DENND1A: variants seen among roughly 807,000 people sequenced by gnomAD.
DENND1A encodes the protein DENN domain containing 1A, also known as DENN domain-containing protein 1A.
DENND1A carries 51 observed loss-of-function variants against 113.7 expected under a neutral mutation model. The observed-to-expected ratio is 0.45, with a 90% CI of 0.36 to 0.57. DENND1A has a LOEUF of 0.57. Ranked by LOEUF, DENND1A falls within the 20% of genes least tolerant of loss-of-function variation. The pLI is 0.00. For synonymous variants in DENND1A, 565 were observed against 570.8 expected (o/e 0.99, Z 0.14); for missense variants, 1,258 against 1,395.9 (o/e 0.90, Z 1.57).
intron 2 of DENND1A, among the ~76,000 whole-genome samples, chr9:123,826,854 T>C (rs945970025): frequency 6.6e-6 from 1 of 152,218 alleles, no homozygotes; most frequent in Admixed American, 6.5e-5. Context: ...TCTTTTAAAC[T>C]GATGATGGTA....
chr9:123,862,060 G>A (rs1168374309), intron 2 of DENND1A, among the ~76,000 whole-genome samples: 3 of 152,128 alleles, frequency 2.0e-5, no homozygotes, highest in Non-Finnish European at 4.4e-5. Flanking sequence ...ATGAACATAA[G>A]CTACTTCCAA....
chr9:123,881,605 A>G (rs777249453), intron 1 of DENND1A, among the ~76,000 whole-genome samples: 1 of 152,130 alleles, frequency 6.6e-6, no homozygotes, highest in Non-Finnish European at 1.5e-5. Flanking sequence ...TCCATTTTTA[A>G]TTTATTTTTA....
At chr9:123,636,623 G>A (rs932240844) in intron 9 of DENND1A, among the ~76,000 whole-genome samples, 2 of 151,542 alleles carry the variant, frequency 1.3e-5, no homozygotes, top group Non-Finnish European at 2.9e-5. Context: ...CAGAGTCGGT[G>A]CTGAGTAAAT....
At chr9:123,477,785 C>T (rs888079753) in intron 13 of DENND1A, among the ~76,000 whole-genome samples, 4 of 152,000 alleles carry the variant, frequency 2.6e-5, no homozygotes, top group African/African-American at 9.7e-5. Context: ...ACACGAGTGC[C>T]TCCCCCCTCC....
chr9:123,745,726 G>A (rs2069441608), intron 5 of DENND1A, among the ~76,000 whole-genome samples: 1 of 152,080 alleles, frequency 6.6e-6, no homozygotes, highest in Non-Finnish European at 1.5e-5. Context: ...AGTCCAAATG[G>A]CCACCTACAG....
At chr9:123,636,827 G>A (rs545547126) in intron 9 of DENND1A, among the ~76,000 whole-genome samples, 2 of 151,228 alleles carry the variant, frequency 1.3e-5, no homozygotes, top group African/African-American at 4.9e-5. Context: ...CTCCCGAGTC[G>A]CTGGGATTAC....
At chr9:123,486,226 G>A (rs1225169869) in intron 13 of DENND1A, among the ~76,000 whole-genome samples, 1 of 152,110 alleles carries the variant, frequency 6.6e-6, no homozygotes, top group East Asian at 1.9e-4. Flanking sequence ...TGAATGTCAG[G>A]CAAGTGGGCA....
At chr9:123,604,893 A>C (rs373411927) in intron 11 of DENND1A, among the ~76,000 whole-genome samples, 1 of 152,166 alleles carries the variant, frequency 6.6e-6, no homozygotes, top group African/African-American at 2.4e-5. Flanking sequence ...AAGAAGTAAA[A>C]CCAGCAAGGA....
chr9:123,471,243 A>G (rs747324476), intron 13 of DENND1A, among the ~76,000 whole-genome samples: 1 of 152,106 alleles, frequency 6.6e-6, no homozygotes, highest in Non-Finnish European at 1.5e-5. Context: ...GCCACTTAAC[A>G]TGTCTGGAAC....
chr9:123,919,299 C>G (rs1855789601), intron 1 of DENND1A, among the ~76,000 whole-genome samples: 1 of 151,430 alleles, frequency 6.6e-6, no homozygotes, highest in Non-Finnish European at 1.5e-5. Context: ...TGGTGAAACC[C>G]TGTCTCTACT....
At chr9:123,608,944 T>G (rs2060288823) in intron 11 of DENND1A, among the ~76,000 whole-genome samples, 1 of 152,180 alleles carries the variant, frequency 6.6e-6, no homozygotes, top group Admixed American at 6.5e-5. Flanking sequence ...TTATACATAT[T>G]TATACAAAAC....
intron 10 of DENND1A, among the ~76,000 whole-genome samples, chr9:123,630,048 T>C (rs2061407321): frequency 6.6e-6 from 1 of 152,020 alleles, no homozygotes. Context: ...ATTTCTATTA[T>C]TATTATTATT....
At chr9:123,676,892 T>C in intron 5 of DENND1A, 103 bp from the exon 6 acceptor site, 1 of 1,050,826 alleles carries the variant, frequency 9.5e-7, no homozygotes, top group Non-Finnish European at 1.5e-6. Flanking sequence ...CTCTACATCC[T>C]GAAGAGTCTT....
At chr9:123,660,222 G>C (rs898721537) in intron 8 of DENND1A, among the ~76,000 whole-genome samples, 2 of 152,142 alleles carry the variant, frequency 1.3e-5, no homozygotes, top group African/African-American at 4.8e-5. Flanking sequence ...GATTAAAGTG[G>C]AAGCATGTAC....
chr9:123,423,243 C>G (rs1240033132), intron 19 of DENND1A, among the ~76,000 whole-genome samples: 5 of 152,162 alleles, frequency 3.3e-5, no homozygotes. Flanking sequence ...AGTTACAGGG[C>G]TCCGGTAAGA....
intron 3 of DENND1A, among the ~76,000 whole-genome samples, chr9:123,774,535 A>G (rs573859776): frequency 7.2e-5 from 11 of 152,296 alleles, no homozygotes; most frequent in Non-Finnish European, 1.0e-4. Flanking sequence ...TCCATAGTAT[A>G]ATTACAACCA....
chr9:123,577,167 C>T (rs1396633078), intron 12 of DENND1A, among the ~76,000 whole-genome samples: 2 of 152,074 alleles, frequency 1.3e-5, no homozygotes, highest in Non-Finnish European at 2.9e-5. Context: ...TTAACTTTTT[C>T]CAGTCTTTTT....
chr9:123,425,541 G>A (rs2045652226), intron 19 of DENND1A, among the ~76,000 whole-genome samples: 2 of 152,248 alleles, frequency 1.3e-5, no homozygotes, highest in African/African-American at 4.8e-5. Flanking sequence ...AGGGCACAAG[G>A]AGTGAGTGGA....
chr9:123,497,291 C>A (rs2052012557), intron 13 of DENND1A, among the ~76,000 whole-genome samples: 1 of 152,188 alleles, frequency 6.6e-6, no homozygotes, highest in Non-Finnish European at 1.5e-5. Context: ...GCTGACAGAG[C>A]ACGAACAATT....
Sources: gnomAD v4.1 joint callset for allele counts (sites outside exome capture counted in the v4.1 genomes callset) on GRCh38, gnomAD v4.1.1 for gene constraint, MANE v1.5 for transcripts, NCBI Gene and HGNC (gene_info 2026-07-23, HGNC 2026-07-21) for gene names.